RP1L1: variants seen among roughly 807,000 people sequenced by gnomAD.
RP1L1 encodes RP1 like 1, also known as retinitis pigmentosa 1-like 1 protein.
A neutral mutation model predicts 15.7 loss-of-function variants in RP1L1; 27 were observed. The ratio of observed to expected loss-of-function variants is 1.72; its 90% CI spans 1.27 to 2.38. The LOEUF (loss-of-function observed/expected upper bound fraction) is 2.38. Among genes scored for constraint, RP1L1 ranks in the 30% most tolerant of loss-of-function variants. RP1L1 has a pLI of 0.00. For synonymous variants in RP1L1, 1,813 were observed against 1,276.7 expected, an observed-to-expected ratio of 1.42 and a Z score of -8.96; for missense variants, 4,798 against 3,075.9, an observed-to-expected ratio of 1.56 and a Z score of -13.24.
chr8:10,630,050 G>A (rs904849647), intron 1 of RP1L1, among the ~76,000 whole-genome samples: 9 of 152,210 alleles, frequency 5.9e-5, no homozygotes, highest in South Asian at 2.1e-4. Flanking sequence ...AGTCAGGGTG[G>A]TGAGGGGGTC....
chr8:10,621,484 C>T (rs1249665409), intron 2 of RP1L1: 2 of 319,792 alleles, frequency 6.3e-6, no homozygotes, highest in Non-Finnish European at 1.2e-5. Context: ...CGCCAACACA[C>T]CTGGCTAATT....
Position 10,610,892 on chromosome 8 carries a change from C to G in RP1L1, c.3206G>C (p.Arg1069Thr), listed in dbSNP as rs908879463. The G allele has an allele frequency of 1.9e-6, 3 of 1,610,476 alleles. No individual in the cohort carries two copies. In the African/African-American group the frequency reaches 4.0e-5, roughly 22 times the overall value. The part of the protein sequence containing the change: ...GADREAPAGC[R>T]VSLRALPGRV... ...GCCAGGAAGTGCCCGCAGGCTCACC[C>G]TGCAGCCTGCTGGGGCCTCTCTGTC... Residue 1069 changes from arginine (R) to threonine (T), a missense_variant, in exon 4 of 4, where the codon AGG becomes ACG. Transcript: ENST00000382483.
chr8:10,610,482 C>G lies in RP1L1; in HGVS notation c.3616G>C (p.Gly1206Arg). The change falls in exon 4 of 4, where the codon GGC (glycine) becomes CGC (arginine). Residue 1206 changes from glycine to arginine, a missense_variant. Transcript: ENST00000382483. The stretch of plus-strand genomic sequence containing the variant: ...CTACTCTCCCCTGAGCCTCCAGAGC[C>G]GCTGCTGATGTCCACACCAGAGGAG... The part of the protein sequence containing the change: ...TSSSGVDISS[G>R]SGGSGESSVP... 1 of 1,613,778 alleles carries G rather than the reference C, an allele frequency of 6.2e-7. No individual in the cohort carries two copies. The highest frequency in any genetic ancestry group is 1.1e-5 in the South Asian group (1 of 91,080).
intron 2 of RP1L1, chr8:10,621,574 C>T (rs556272233): frequency 7.6e-6 from 3 of 393,528 alleles, no homozygotes; most frequent in Admixed American, 5.6e-5. Flanking sequence ...GATCCGCCTG[C>T]CTCAGCCTCC....
At position 10,622,647 on chromosome 8, in the gene RP1L1, G is replaced by C. The variant is rs1798079774; in HGVS notation, c.555C>G (p.Ala185=). 3 of 1,614,098 alleles carry C rather than the reference G, an allele frequency of 1.9e-6. No individual in the cohort carries two copies. Among genetic ancestry groups the C allele is most frequent in the African/African-American group, 1.3e-5 (1 of 74,934 alleles). Residue 185 remains alanine (A), a synonymous_variant, in exon 2 of 4, where the codon GCC becomes GCG. Transcript: ENST00000382483. ...TRNLAAFLGK[A]SDLLRFPVKQ... ...TCACAGGAAAGCGCAGGAGATCTGAGGCTTTGCCGAGAAAGGCGGCCAGGT... is the reference window on the plus strand; with the variant it reads ...TCACAGGAAAGCGCAGGAGATCTGACGCTTTGCCGAGAAAGGCGGCCAGGT...
chr8:10,611,718 C>T lies in RP1L1; in HGVS notation c.2380G>A (p.Glu794Lys), dbSNP rs267601690. 25 of 1,613,470 alleles carry T rather than the reference C, an allele frequency of 1.5e-5. No individual in the cohort carries two copies. In the African/African-American group the frequency reaches 2.5e-4, roughly 16 times the overall value. The change falls in exon 4 of 4, where the codon GAA becomes AAA. Residue 794 changes from glutamate to lysine, a missense_variant. By Grantham distance (56) the Glu-to-Lys change is moderately conservative. Coordinates refer to ENST00000382483, the MANE Select transcript of RP1L1 (RefSeq NM_178857.6). Reference protein sequence around the residue: ...CSKSGAASLGEEARDTPQPSS... With the variant: ...CSKSGAASLGKEARDTPQPSS... ...GGCTGAGGCGTGTCCCTGGCCTCTTCCCCCAGGCTGGCAGCCCCAGATTTT... is the reference window on the plus strand; with the variant it reads ...GGCTGAGGCGTGTCCCTGGCCTCTTTCCCCAGGCTGGCAGCCCCAGATTTT...
In RP1L1 at chr8:10,613,337, C is replaced by T. The variant is rs990296773; in HGVS notation, c.761G>A (p.Gly254Glu). ...GATCACACTCGGCTTGGTCTTTGGCCCCCAGCTCCCTGGCACGCAGTGAAG... is the reference window on the plus strand; with the variant it reads ...GATCACACTCGGCTTGGTCTTTGGCTCCCAGCTCCCTGGCACGCAGTGAAG... ...LTSRNKNGSWGPKTKPSVIHS... is the reference protein window; with the variant it reads ...LTSRNKNGSWEPKTKPSVIHS... The change falls in exon 4 of 4, where the codon GGG becomes GAG. Residue 254 changes from glycine to glutamate, a missense_variant. By Grantham distance (98) the Gly-to-Glu change is moderately conservative. Coordinates refer to ENST00000382483, the MANE Select transcript of RP1L1 (RefSeq NM_178857.6). 10 of 1,599,948 alleles carry T rather than the reference C, an allele frequency of 6.3e-6. No homozygotes were observed. The highest frequency in any genetic ancestry group is 1.1e-5 in the South Asian group (1 of 91,074).
Position 10,612,054 on chromosome 8 carries a change from C to T in RP1L1, c.2044G>A (p.Val682Ile), listed in dbSNP as rs773224824. 7 of 1,613,894 alleles carry T rather than the reference C, an allele frequency of 4.3e-6. No homozygotes were observed. The South Asian group carries it at 4.4e-5, about 10-fold the overall frequency. Reference sequence around the variant, plus strand: ...GGAGGCCTCGGCACTTGCTTGGTTACAGAGGAGTCCAGTGGGCTGTGGGTG... The same window carrying T: ...GGAGGCCTCGGCACTTGCTTGGTTATAGAGGAGTCCAGTGGGCTGTGGGTG... Reference protein sequence around the residue: ...KDTHSPLDSSVTKQVPRPPER... With the variant: ...KDTHSPLDSSITKQVPRPPER... The change falls in exon 4 of 4, where the codon GTA becomes ATA. Residue 682 changes from valine to isoleucine, a missense_variant. Val to Ile is a conservative substitution (Grantham distance 29). Transcript: ENST00000382483.
chr8:10,647,707 G>A (rs965411865), intron 1 of RP1L1, among the ~76,000 whole-genome samples: 2 of 152,184 alleles, frequency 1.3e-5, no homozygotes, highest in African/African-American at 4.8e-5. Flanking sequence ...TCCACCTCAT[G>A]TATATGCCAG....
intron 1 of RP1L1, among the ~76,000 whole-genome samples, chr8:10,628,905 G>A (rs1798198590): frequency 6.6e-6 from 1 of 152,220 alleles, no homozygotes; most frequent in African/African-American, 2.4e-5. Flanking sequence ...CATCAGTAAG[G>A]GAAGTAGGTT....
chr8:10,617,455 A>G (rs1000630833), intron 2 of RP1L1, among the ~76,000 whole-genome samples: 1 of 150,152 alleles, frequency 6.7e-6, no homozygotes, highest in Non-Finnish European at 1.5e-5. Flanking sequence ...CTCTTCCCCA[A>G]AAAATGTCAT....
At chr8:10,625,633 C>T (rs1289587467) in intron 1 of RP1L1, among the ~76,000 whole-genome samples, 3 of 152,210 alleles carry the variant, frequency 2.0e-5, no homozygotes, top group East Asian at 1.9e-4. Flanking sequence ...ACCTCCCACA[C>T]AGGGCAGGGC....
rs780247915 is a variant in RP1L1, at chr8:10,607,220, C to G, written c.6878G>C (p.Gly2293Ala). Residue 2293 changes from glycine to alanine, a missense_variant, in exon 4 of 4, where the codon GGC becomes GCC. Physicochemically the swap from Gly to Ala is moderately conservative, Grantham distance 60 (BLOSUM62 0). Transcript: ENST00000382483. ...PGGDTPHQRP[G>A]SQTGPSSSRA... ...GGAGGAGGAAGGGCCTGTTTGGGAGCCTGGCCTTTGGTGGGGAGTGTCTCC... is the reference window on the plus strand; with the variant it reads ...GGAGGAGGAAGGGCCTGTTTGGGAGGCTGGCCTTTGGTGGGGAGTGTCTCC... 92 of 1,614,168 alleles carry G rather than the reference C, an allele frequency of 5.7e-5. No individual in the cohort carries two copies. The highest frequency in any genetic ancestry group is 7.5e-5 in the Non-Finnish European group (89 of 1,179,972).
chr8:10,617,680 C>T (rs1005179459), intron 2 of RP1L1, among the ~76,000 whole-genome samples: 24 of 150,688 alleles, frequency 1.6e-4, no homozygotes, highest in Admixed American at 1.2e-3. Flanking sequence ...CCTCAGCCTC[C>T]GGAGTAGCTG....
intron 1 of RP1L1, among the ~76,000 whole-genome samples, chr8:10,631,776 A>AC (rs1311912942): frequency 6.6e-6 from 1 of 152,124 alleles, no homozygotes; most frequent in Non-Finnish European, 1.5e-5. Context: ...GAAGCAGCCC[A>AC]CCCCTGAACA....
chr8:10,609,857 C>T lies in RP1L1; in HGVS notation c.4241G>A (p.Ser1414Asn). The change falls in exon 4 of 4, where the codon AGC becomes AAC. Residue 1414 changes from serine to asparagine, a missense_variant. Coordinates refer to ENST00000382483, the MANE Select transcript of RP1L1 (RefSeq NM_178857.6). ...SVHGQELSEA[S>N]SPDGKGSQED... Reference sequence around the variant, plus strand: ...CTGGGAGCCTTTCCCATCCGGAGAGCTGGCCTCTGACAATTCCTGCCCGTG... The same window carrying T: ...CTGGGAGCCTTTCCCATCCGGAGAGTTGGCCTCTGACAATTCCTGCCCGTG... 1.2e-6 allele frequency: 2 copies of T among 1,614,178 alleles called. No homozygotes were observed. The highest frequency in any genetic ancestry group is 8.5e-7 in the Non-Finnish European group (1 of 1,180,032).
rs969520544 is a variant in RP1L1, at chr8:10,614,125, T to G, written c.752-779A>C. Among the ~76,000 whole-genome samples, 3 of 152,156 alleles carry G rather than the reference T, an allele frequency of 2.0e-5. No individual in the cohort carries two copies. In the East Asian group the frequency reaches 5.8e-4, roughly 29 times the overall value. On this transcript the variant is annotated intron_variant, in intron 3 of 3. Transcript: ENST00000382483. ...CAGATCTTGCTCCTGGCCCTCCTCA[T>G]GCCCACACCCAGCACAGCAGGTGAA...
chr8:10,608,722 C>T lies in RP1L1; in HGVS notation c.5376G>A (p.Gln1792=). Residue 1792 remains glutamine, a synonymous_variant, in exon 4 of 4, where the codon CAG becomes CAA. Coordinates refer to ENST00000382483, the MANE Select transcript of RP1L1 (RefSeq NM_178857.6). Reference sequence around the variant, plus strand: ...CCCTTTCACTTATGCCCTCTCCCTCCTGCTCAGCTTCCCCCAACTCACTGC... The same window carrying T: ...CCCTTTCACTTATGCCCTCTCCCTCTTGCTCAGCTTCCCCCAACTCACTGC... ...SAGSELGEAE[Q]EGEGISERGE... 6.2e-7 allele frequency: 1 copy of T among 1,614,270 alleles called. No homozygotes were observed. Among genetic ancestry groups the T allele is most frequent in the Non-Finnish European group, 8.5e-7 (1 of 1,180,056 alleles).
chr8:10,624,231 T>A (rs1268139037), intron 1 of RP1L1, among the ~76,000 whole-genome samples: 2 of 152,144 alleles, frequency 1.3e-5, no homozygotes, highest in Non-Finnish European at 2.9e-5. Flanking sequence ...TCTGAGCATC[T>A]ATTGCATCAG....
Sources: allele counts gnomAD v4.1 joint callset (sites outside exome capture counted in the v4.1 genomes callset), GRCh38; gene constraint gnomAD v4.1.1; transcripts MANE v1.5; gene names NCBI Gene and HGNC (gene_info 2026-07-23, HGNC 2026-07-21).